Variants in ATP8A2 observed in about 807,000 individuals in gnomAD.
ATP8A2 encodes ATPase phospholipid transporting 8A2, also known as phospholipid-transporting ATPase IB.
A neutral mutation model predicts 165.6 loss-of-function variants in ATP8A2; 100 were observed. That is an observed-to-expected ratio of 0.60 (90% confidence interval 0.51 to 0.71). The LOEUF is 0.71. Ranked by LOEUF, ATP8A2 falls within the 30% of genes least tolerant of loss-of-function variation. The pLI, the probability that ATP8A2 is intolerant of heterozygous loss-of-function variation, is 0.00. For missense variants in ATP8A2, 1,227 were observed against 1,479.5 expected (o/e 0.83, Z 2.80); for synonymous variants, 543 against 548.8 (o/e 0.99, Z 0.15).
At chr13:25,544,210 G>A (rs1235019645) in intron 10 of ATP8A2, among the ~76,000 whole-genome samples, 1 of 152,224 alleles carries the variant, frequency 6.6e-6, no homozygotes, top group Non-Finnish European at 1.5e-5. Context: ...GGGCTAAGGA[G>A]TAATATAGAA....
intron 25 of ATP8A2, among the ~76,000 whole-genome samples, chr13:25,715,380 A>G (rs1321516622): frequency 6.6e-6 from 1 of 152,238 alleles, no homozygotes; most frequent in African/African-American, 2.4e-5. Flanking sequence ...CATTTGAAGT[A>G]TACAATTCAA....
chr13:25,699,830 C>T (rs560613874), intron 25 of ATP8A2, among the ~76,000 whole-genome samples: 5 of 151,756 alleles, frequency 3.3e-5, no homozygotes, highest in African/African-American at 9.7e-5. Flanking sequence ...AGGTTCTTCC[C>T]TTCCTGGGAA....
At chr13:25,768,263 T>C (rs1198643807) in intron 25 of ATP8A2, among the ~76,000 whole-genome samples, 1 of 152,152 alleles carries the variant, frequency 6.6e-6, no homozygotes, top group Non-Finnish European at 1.5e-5. Flanking sequence ...TTATCATGAA[T>C]ACCCCTCTGC....
intron 25 of ATP8A2, among the ~76,000 whole-genome samples, chr13:25,726,346 G>A (rs779899754): frequency 2.6e-5 from 4 of 152,186 alleles, no homozygotes; most frequent in Non-Finnish European, 4.4e-5. Flanking sequence ...TGGACGGTGG[G>A]CATGTTCGTT....
chr13:25,924,935 A>G (rs1002173021), intron 33 of ATP8A2, among the ~76,000 whole-genome samples: 2 of 152,164 alleles, frequency 1.3e-5, no homozygotes, highest in African/African-American at 4.8e-5. Flanking sequence ...GCCTTCTGCC[A>G]TGATTGTGAG....
chr13:25,610,089 C>G (rs2040641342), intron 24 of ATP8A2, among the ~76,000 whole-genome samples: 1 of 152,034 alleles, frequency 6.6e-6, no homozygotes, highest in African/African-American at 2.4e-5. Context: ...CTAATTGTTT[C>G]TTCTGCTGTG....
At chr13:25,491,498 G>T (rs2036526531) in intron 2 of ATP8A2, among the ~76,000 whole-genome samples, 1 of 152,166 alleles carries the variant, frequency 6.6e-6, no homozygotes, top group South Asian at 2.1e-4. Context: ...AAAGTGCCGG[G>T]ATTGCAAGTG....
intron 1 of ATP8A2, among the ~76,000 whole-genome samples, chr13:25,393,561 A>G (rs1428247828): frequency 2.6e-5 from 4 of 152,102 alleles, no homozygotes; most frequent in Non-Finnish European, 5.9e-5. Context: ...GATTACAGGT[A>G]TGTACCACCA....
chr13:25,463,646 T>A (rs1278830741), intron 1 of ATP8A2, among the ~76,000 whole-genome samples: 4 of 152,072 alleles, frequency 2.6e-5, no homozygotes, highest in African/African-American at 7.2e-5. Context: ...ACGCACACAT[T>A]CCAAGTGAGT....
chr13:25,702,282 A>G (rs930783717), intron 25 of ATP8A2, among the ~76,000 whole-genome samples: 1 of 152,224 alleles, frequency 6.6e-6, no homozygotes, highest in Non-Finnish European at 1.5e-5. Flanking sequence ...GTGATGTTGT[A>G]TAGAAATAAA....
rs140922019 is a variant in ATP8A2 at position 25,530,326 on chromosome 13, C to T, written c.321+228C>T. 8.5e-5 allele frequency among the ~76,000 whole-genome samples: 13 copies of T among 152,268 alleles called. No homozygotes were observed. In the East Asian group the frequency reaches 2.5e-3, roughly 29 times the overall value. ...GACTGAAAGAGGCATTGAAAAGTGG[C>T]CTTAGGGCCATACTTTTAAGCCTTT... On this transcript the variant is annotated intron_variant, in intron 3 of 36. Transcript: ENST00000381655.
At chr13:25,526,705 C>T (rs1566221831) in intron 2 of ATP8A2, among the ~76,000 whole-genome samples, 2 of 152,188 alleles carry the variant, frequency 1.3e-5, no homozygotes, top group South Asian at 2.1e-4. Context: ...TAAGCAGACA[C>T]TGCAATTTGG....
chr13:25,549,171 C>T (rs1330168668), intron 10 of ATP8A2, among the ~76,000 whole-genome samples: 1 of 151,922 alleles, frequency 6.6e-6, no homozygotes, highest in Non-Finnish European at 1.5e-5. Flanking sequence ...CTTAAAAGTC[C>T]GGGCCCGGCC....
At chr13:25,944,211 A>C (rs917009059) in intron 33 of ATP8A2, among the ~76,000 whole-genome samples, 1 of 152,242 alleles carries the variant, frequency 6.6e-6, no homozygotes, top group African/African-American at 2.4e-5. Flanking sequence ...TCTGTTAGGC[A>C]TATAGGCCTG....
chr13:25,791,848 C>T lies in ATP8A2; in HGVS notation c.2679+16889C>T, dbSNP rs573162588. ...TTACTAGACCCTTGTTTCCTTCTTG[C>T]TGCTGAGTATATTTTCAATCTATAA... On this transcript the variant is annotated intron_variant, in intron 27 of 36. Coordinates refer to ENST00000381655, the MANE Select transcript of ATP8A2 (RefSeq NM_016529.6). Among the ~76,000 whole-genome samples, 121 of 152,286 alleles carry T rather than the reference C, an allele frequency of 7.9e-4. 1 individual carries two copies. The highest frequency in any genetic ancestry group is 3.1e-3 in the South Asian group (15 of 4,822).
intron 35 of ATP8A2, among the ~76,000 whole-genome samples, chr13:25,999,101 C>A (rs1178878606): frequency 6.6e-6 from 1 of 152,116 alleles, no homozygotes; most frequent in Non-Finnish European, 1.5e-5. Context: ...AGAGTCGCAC[C>A]ACAAATCAGT....
chr13:25,968,723 G>T (rs759041458), intron 35 of ATP8A2, 44 bp downstream of exon 35: 1 of 1,482,790 alleles, frequency 6.7e-7, no homozygotes, highest in Non-Finnish European at 9.4e-7. Context: ...AGGTGCTCCC[G>T]GCCCTTTTCC....
At chr13:25,383,306 T>G (rs942291476) in intron 1 of ATP8A2, among the ~76,000 whole-genome samples, 1 of 151,990 alleles carries the variant, frequency 6.6e-6, no homozygotes, top group Non-Finnish European at 1.5e-5. Context: ...CGTTTCACCA[T>G]GTTGGCCAGG....
At chr13:25,835,661 A>G (rs61342286) in intron 28 of ATP8A2, among the ~76,000 whole-genome samples, 3,833 of 152,114 alleles carry the variant, frequency 0.025, 167 homozygotes, top group African/African-American at 0.085. Context: ...CCTGAGTTAA[A>G]ATGACATGTT....
Sources: allele counts gnomAD v4.1 joint callset (sites outside exome capture counted in the v4.1 genomes callset), GRCh38; gene constraint gnomAD v4.1.1; transcripts MANE v1.5; gene names NCBI Gene and HGNC (gene_info 2026-07-23, HGNC 2026-07-21).